FBXW11: variants seen among roughly 807,000 people sequenced by gnomAD.
FBXW11 encodes F-box and WD repeat domain containing 11, also known as F-box/WD repeat-containing protein 11.
Under a neutral mutation model 77.6 loss-of-function variants are expected in FBXW11, and 19 were observed. The ratio of observed to expected loss-of-function variants is 0.24; its 90% CI spans 0.17 to 0.36. The LOEUF (loss-of-function observed/expected upper bound fraction) is 0.36. FBXW11 is among the 10% of genes least tolerant of loss of function. FBXW11 has a pLI of 1.00. For missense variants in FBXW11, 334 were observed against 704.2 expected (o/e 0.47, Z 5.95); for synonymous variants, 235 against 249.4 (o/e 0.94, Z 0.54).
chr5:171,962,002 T>C (rs181107651), intron 1 of FBXW11, among the ~76,000 whole-genome samples: 4 of 152,350 alleles, frequency 2.6e-5, no homozygotes, highest in African/African-American at 9.6e-5. Context: ...TGGAAACCCA[T>C]GTTGATCATT....
chr5:171,926,447 C>T (rs186357452), intron 2 of FBXW11, among the ~76,000 whole-genome samples: 17 of 152,304 alleles, frequency 1.1e-4, no homozygotes, highest in Non-Finnish European at 2.5e-4. Context: ...GAAGGTGAGG[C>T]CTGGTGGGAG....
chr5:171,967,875 TATATATATACACAC>T (rs1226237715), intron 1 of FBXW11, among the ~76,000 whole-genome samples: 34 of 54,358 alleles, frequency 6.3e-4, no homozygotes, highest in African/African-American at 1.8e-3. Flanking sequence ...TATATATATA[TATATATATACACAC>T]ACACACACAC....
intron 6 of FBXW11, among the ~76,000 whole-genome samples, chr5:171,897,856 C>A (rs1759852444): frequency 6.6e-6 from 1 of 152,132 alleles, no homozygotes; most frequent in Non-Finnish European, 1.5e-5. Context: ...CCCATCTCCC[C>A]TACAATACAC....
At chr5:171,969,836 T>C (rs1764427565) in intron 1 of FBXW11, among the ~76,000 whole-genome samples, 1 of 152,216 alleles carries the variant, frequency 6.6e-6, no homozygotes, top group South Asian at 2.1e-4. Flanking sequence ...CGAGTAGAGC[T>C]GGGATTACAG....
At chr5:171,947,111 G>A (rs529418819) in intron 2 of FBXW11, among the ~76,000 whole-genome samples, 46 of 152,216 alleles carry the variant, frequency 3.0e-4, no homozygotes, top group African/African-American at 9.9e-4. Flanking sequence ...ACTGCACCTG[G>A]CCGTTTTACT....
At position 171,899,046 on chromosome 5, in the gene FBXW11, T is replaced by A; in HGVS notation, c.672A>T (p.Ser224=). The change falls in exon 6 of 14, where the codon TCA becomes TCT. Residue 224 remains serine, a synonymous_variant. Transcript: ENST00000517395. ...KNRPTDGPPN[S]FYRSLYPKII... Reference sequence around the variant, plus strand: ...TCTTTGGGTATAATGACCTATAAAATGAATTTGGAGGGCCATCTGTGGGTC... The same window carrying A: ...TCTTTGGGTATAATGACCTATAAAAAGAATTTGGAGGGCCATCTGTGGGTC... The A allele has an allele frequency of 1.2e-6, 2 of 1,609,328 alleles. No homozygotes were observed. Among genetic ancestry groups the A allele is most frequent in the Non-Finnish European group, 1.7e-6 (2 of 1,178,272 alleles).
intron 2 of FBXW11, among the ~76,000 whole-genome samples, chr5:171,943,807 G>A (rs1390310599): frequency 6.6e-6 from 1 of 152,180 alleles, no homozygotes; most frequent in Non-Finnish European, 1.5e-5. Flanking sequence ...AAACTGCTCA[G>A]GGGAAAGAGT....
chr5:171,999,828 T>C (rs1766304456), intron 1 of FBXW11, among the ~76,000 whole-genome samples: 1 of 152,038 alleles, frequency 6.6e-6, no homozygotes, highest in South Asian at 2.1e-4. Flanking sequence ...GCCAAAGCTT[T>C]TTTTTTTATT....
intron 4 of FBXW11, among the ~76,000 whole-genome samples, chr5:171,910,041 G>A (rs1760781530): frequency 6.7e-6 from 1 of 148,570 alleles, no homozygotes; most frequent in South Asian, 2.1e-4. Flanking sequence ...TGAAGCAACA[G>A]TTATGACCAA....
At chr5:172,002,941 C>A (rs1486729787) in intron 1 of FBXW11, among the ~76,000 whole-genome samples, 2 of 152,018 alleles carry the variant, frequency 1.3e-5, no homozygotes, top group Non-Finnish European at 2.9e-5. Flanking sequence ...TCAAGCAATC[C>A]TCCCACCTCC....
chr5:171,872,610 G>A (rs1326399942), intron 10 of FBXW11, among the ~76,000 whole-genome samples: 1 of 152,214 alleles, frequency 6.6e-6, no homozygotes, highest in Non-Finnish European at 1.5e-5. Flanking sequence ...CTGTTCTGAA[G>A]TGCTCTGGTA....
intron 1 of FBXW11, among the ~76,000 whole-genome samples, chr5:171,963,338 A>C (rs140270093): frequency 2.6e-5 from 4 of 152,208 alleles, no homozygotes; most frequent in Non-Finnish European, 5.9e-5. Context: ...AAGAATACAT[A>C]GCATAAGCAA....
At position 171,916,510 on chromosome 5, in the gene FBXW11, T is replaced by C. The variant is rs1438547719; in HGVS notation, c.148-2105A>G. On this transcript the variant is annotated intron_variant, in intron 2 of 13. Transcript: ENST00000517395. ...AGAGTCCAAAACAGGACTGGAGTGG[T>C]GAAAGCAGTAAGTAATTCTGAATGG... is the stretch of plus-strand genomic sequence containing the variant. 14 of 973,864 alleles carry C rather than the reference T, an allele frequency of 1.4e-5. No homozygotes were observed. In the Admixed American group the frequency reaches 8.6e-4, roughly 60 times the overall value. The allele number at this position is 973,864 out of a possible 1,614,324, so 60.3% of individuals were successfully genotyped here. A position where few individuals can be genotyped will look rare whatever the true frequency, so the allele number is the denominator to read the frequency against.
intron 2 of FBXW11, among the ~76,000 whole-genome samples, chr5:171,946,805 CTTTTTTTTTTTT>C (rs70982356): frequency 1.7e-5 from 1 of 58,636 alleles, no homozygotes; most frequent in Non-Finnish European, 2.9e-5. Flanking sequence ...GTGTACTTTA[CTTTTTTTTTTTT>C]TTTTTTTTTT....
intron 6 of FBXW11, among the ~76,000 whole-genome samples, chr5:171,893,558 C>T (rs759603191): frequency 3.3e-5 from 5 of 150,990 alleles, no homozygotes; most frequent in Non-Finnish European, 5.9e-5. Context: ...CAGAACTCAA[C>T]GCATGGAATC....
chr5:171,968,415 C>G (rs1245898041), intron 1 of FBXW11, among the ~76,000 whole-genome samples: 1 of 150,942 alleles, frequency 6.6e-6, no homozygotes, highest in Non-Finnish European at 1.5e-5. Context: ...CGGAGATCAG[C>G]CATTGCACTC....
chr5:171,939,034 G>C (rs529472648), intron 2 of FBXW11, among the ~76,000 whole-genome samples: 3 of 151,426 alleles, frequency 2.0e-5, no homozygotes, highest in African/African-American at 7.3e-5. Flanking sequence ...AGGAGTTTAA[G>C]ACCAGCCTGG....
chr5:171,906,652 C>T (rs1306563290), intron 4 of FBXW11, among the ~76,000 whole-genome samples: 3 of 152,170 alleles, frequency 2.0e-5, no homozygotes, highest in African/African-American at 7.2e-5. Flanking sequence ...AATCCTCACA[C>T]AATACCCATA....
At chr5:172,002,635 A>G (rs982618640) in intron 1 of FBXW11, among the ~76,000 whole-genome samples, 2 of 151,316 alleles carry the variant, frequency 1.3e-5, no homozygotes, top group African/African-American at 4.8e-5. Flanking sequence ...AAAAGATCCA[A>G]AAAGAAAAAA....
Sources: allele counts gnomAD v4.1 joint callset (sites outside exome capture counted in the v4.1 genomes callset), GRCh38; gene constraint gnomAD v4.1.1; transcripts MANE v1.5; gene names NCBI Gene and HGNC (gene_info 2026-07-23, HGNC 2026-07-21).